The following TEX14 variants were observed in gnomAD, a reference collection of about 807,000 sequenced individuals.
TEX14 encodes testis expressed 14, intercellular bridge forming factor, also known as inactive serine/threonine-protein kinase TEX14.
Under a neutral mutation model 178.6 loss-of-function variants are expected in TEX14, and 168 were observed. That is an observed-to-expected ratio of 0.94 (90% CI 0.83 to 1.07). The LOEUF is 1.07. TEX14 is among the 50% of genes least tolerant of loss of function. The pLI is 0.00. For synonymous variants in TEX14, 626 were observed against 634.1 expected, an observed-to-expected ratio of 0.99 and a Z score of 0.19; for missense variants, 1,730 against 1,753.6, an observed-to-expected ratio of 0.99 and a Z score of 0.24.
chr17:58,629,625 C>A lies in TEX14; in HGVS notation c.251+815G>T, dbSNP rs528110812. Among the ~76,000 whole-genome samples, 13 of 151,924 alleles carry A rather than the reference C, an allele frequency of 8.6e-5. No individual in the cohort carries two copies. In the East Asian group the frequency reaches 2.5e-3, roughly 30 times the overall value. ...AGATCACGAGGTCAGGAGATTGAGA[C>A]CATCCTGAGACCAACCTGGCTAGCA... On this transcript the variant is annotated intron_variant, in intron 3 of 31. Coordinates refer to ENST00000349033, the MANE Select transcript of TEX14 (RefSeq NM_031272.5).
Position 58,564,980 on chromosome 17 carries a change from TG to T in TEX14, c.3965-13del, listed in dbSNP as rs761442636. The T allele has an allele frequency of 2.0e-6, 3 of 1,521,760 alleles. No individual in the cohort carries two copies. The highest frequency in any genetic ancestry group is 3.9e-5 in the Admixed American group (2 of 51,078). 94.3% of individuals were successfully genotyped at this position (1,521,760 alleles called of 1,614,324 possible). A position where few individuals can be genotyped will look rare whatever the true frequency, so the allele number is the denominator to read the frequency against. ...TAAGTGCCTTTGATCTAAAAACAGT[TG>T]AAAGAATTAACTTTATTAGAACGAA... On this transcript the variant is annotated splice_polypyrimidine_tract_variant and intron_variant, in intron 27 of 31. Coordinates refer to ENST00000349033, the MANE Select transcript of TEX14 (RefSeq NM_031272.5).
intron 19 of TEX14, among the ~76,000 whole-genome samples, chr17:58,582,988 G>C (rs1176967932): frequency 4.2e-5 from 3 of 70,870 alleles, no homozygotes; most frequent in African/African-American, 1.2e-4. Flanking sequence ...TTTTTTTTTT[G>C]AGACATGGTT....
At chr17:58,581,578 A>C in intron 19 of TEX14, 1 of 1,608,036 alleles carries the variant, frequency 6.2e-7, no homozygotes, top group Non-Finnish European at 8.5e-7. Context: ...GAGAAAGGTG[A>C]AAAGGTACTT....
intron 11 of TEX14, 131 bp from the exon 12 acceptor site, chr17:58,602,721 T>C: frequency 3.0e-6 from 2 of 656,212 alleles, no homozygotes; most frequent in Middle Eastern, 3.1e-4. Context: ...TCTAATCCAC[T>C]GTACTTTAGA....
At chr17:58,613,349 C>T (rs2045792054) in intron 9 of TEX14, 72 bp downstream of exon 9, 1 of 1,591,944 alleles carries the variant, frequency 6.3e-7, no homozygotes, top group East Asian at 2.2e-5. Flanking sequence ...ATCACCACAG[C>T]TGGGGCAAGA....
chr17:58,621,601 G>A (rs1267130471), intron 5 of TEX14, 49 bp downstream of exon 5: 2 of 1,553,912 alleles, frequency 1.3e-6, no homozygotes, highest in Admixed American at 3.7e-5. Context: ...CTCCCACGAG[G>A]AAGGCTGGGT....
chr17:58,660,352 G>C (rs962309510), intron 1 of TEX14: 1 of 252,266 alleles, frequency 4.0e-6, no homozygotes, highest in African/African-American at 2.2e-5. Context: ...AGTGAGCCGA[G>C]ATCGCGCCAT....
Position 58,605,023 on chromosome 17 carries a change from A to G in TEX14, c.1291T>C (p.Ser431Pro). The G allele has an allele frequency of 6.2e-7, 1 of 1,614,172 alleles. No homozygotes were observed. The highest frequency in any genetic ancestry group is 8.5e-7 in the Non-Finnish European group (1 of 1,180,028). ...ATCATAGAAAAGCTGTAGATGTCTG[A>G]TTTCACTGTGGCTGCCTTCTGTAAG... ...VILQKAATVK[S>P]DIYSFSMIMQ... is the part of the protein sequence containing the mutation. The change falls in exon 11 of 32, where the codon TCA becomes CCA. Residue 431 changes from serine to proline, a missense_variant. Coordinates refer to ENST00000349033, the MANE Select transcript of TEX14 (RefSeq NM_031272.5).
At chr17:58,619,997 C>T (rs2045961250) in intron 5 of TEX14, among the ~76,000 whole-genome samples, 1 of 152,122 alleles carries the variant, frequency 6.6e-6, no homozygotes, top group South Asian at 2.1e-4. Context: ...TTGTACAGAG[C>T]CCTACCATGC....
intron 2 of TEX14, among the ~76,000 whole-genome samples, chr17:58,642,689 T>C (rs1312332402): frequency 6.6e-6 from 1 of 152,038 alleles, no homozygotes; most frequent in Non-Finnish European, 1.5e-5. Context: ...TACTTTCTGG[T>C]CACTTTCATC....
intron 18 of TEX14, among the ~76,000 whole-genome samples, chr17:58,585,204 C>T (rs2044924335): frequency 6.6e-6 from 1 of 152,108 alleles, no homozygotes; most frequent in African/African-American, 2.4e-5. Context: ...ATCGATTCCT[C>T]GCCAAAACCA....
intron 2 of TEX14, among the ~76,000 whole-genome samples, chr17:58,649,896 T>C (rs1479259793): frequency 5.3e-5 from 8 of 149,860 alleles, no homozygotes; most frequent in Non-Finnish European, 8.9e-5. Context: ...CCCACCACCA[T>C]GCCTGGCTAA....
chr17:58,601,993 A>G (rs374740577), intron 12 of TEX14, 37 bp from the exon 13 acceptor site: 8 of 1,607,252 alleles, frequency 5.0e-6, no homozygotes, highest in Non-Finnish European at 6.8e-6. Flanking sequence ...ACATAGTCTC[A>G]GTCATCCTGA....
intron 15 of TEX14, among the ~76,000 whole-genome samples, chr17:58,593,035 T>A (rs1373163143): frequency 6.6e-6 from 1 of 152,108 alleles, no homozygotes; most frequent in Non-Finnish European, 1.5e-5. Context: ...ATATATTATA[T>A]ATACATATAT....
intron 28 of TEX14, among the ~76,000 whole-genome samples, chr17:58,562,923 T>C (rs1480923101): frequency 6.6e-6 from 1 of 151,978 alleles, no homozygotes; most frequent in Non-Finnish European, 1.5e-5. Flanking sequence ...AATACAAAAA[T>C]TATCCAGGCA....
At chr17:58,557,431 C>T (rs952769143) in intron 31 of TEX14, among the ~76,000 whole-genome samples, 16 of 151,934 alleles carry the variant, frequency 1.1e-4, no homozygotes, top group African/African-American at 7.3e-5. Context: ...CCACCATGCC[C>T]GGCTAATTTT....
At chr17:58,681,353 T>C (rs541353942) in intron 1 of TEX14, among the ~76,000 whole-genome samples, 3 of 152,222 alleles carry the variant, frequency 2.0e-5, no homozygotes, top group Admixed American at 1.3e-4. Flanking sequence ...AAAAAGAATA[T>C]TGGGACAAGG....
At chr17:58,684,941 G>C (rs1484174239) in intron 1 of TEX14, among the ~76,000 whole-genome samples, 2 of 152,070 alleles carry the variant, frequency 1.3e-5, no homozygotes, top group African/African-American at 2.4e-5. Flanking sequence ...ATGCCTAGGT[G>C]ACAGAGCAAA....
chr17:58,687,867 A>G (rs2047627576), intron 1 of TEX14, among the ~76,000 whole-genome samples: 1 of 152,200 alleles, frequency 6.6e-6, no homozygotes, highest in Admixed American at 6.6e-5. Context: ...CAGAAATGCA[A>G]CATGTCAGAA....
Sources: gnomAD v4.1 joint callset for allele counts (sites outside exome capture counted in the v4.1 genomes callset) on GRCh38, gnomAD v4.1.1 for gene constraint, MANE v1.5 for transcripts, NCBI Gene and HGNC (gene_info 2026-07-23, HGNC 2026-07-21) for gene names.